LDB3: variants seen among roughly 807,000 people sequenced by gnomAD.
LDB3 encodes LIM domain binding 3, also known as LIM domain-binding protein 3.
LDB3 carries 49 observed loss-of-function variants against 69.0 expected under a neutral mutation model. That is an observed-to-expected ratio of 0.71 (90% CI 0.56 to 0.90). LDB3 has a LOEUF of 0.90. LDB3 is among the 40% of genes least tolerant of loss of function. The probability of loss-of-function intolerance (pLI) is 0.00; values close to 1 mark genes in which losing one functional copy is unlikely to be tolerated. For synonymous variants in LDB3, 387 were observed against 396.2 expected (o/e 0.98, Z 0.28); for missense variants, 928 against 974.1 (o/e 0.95, Z 0.63).
chr10:86,671,373 T>A (rs1373031642), intron 2 of LDB3, among the ~76,000 whole-genome samples: 1 of 152,138 alleles, frequency 6.6e-6, no homozygotes, highest in Admixed American at 6.5e-5. Context: ...ACCTGCAGGC[T>A]GGGTGGTGGC....
At chr10:86,721,058 C>A (rs1430909145) in intron 12 of LDB3, among the ~76,000 whole-genome samples, 1 of 152,216 alleles carries the variant, frequency 6.6e-6, no homozygotes, top group Admixed American at 6.5e-5. Context: ...AATCCTCCTG[C>A]CTTGGCCTCC....
chr10:86,679,503 G>C lies in LDB3; in HGVS notation c.230G>C (p.Ser77Thr). The C allele has an allele frequency of 1.2e-6, 2 of 1,613,978 alleles. No homozygotes were observed. The highest frequency in any genetic ancestry group is 1.7e-6 in the Non-Finnish European group (2 of 1,180,034). The change falls in exon 3 of 14, where the codon AGC becomes ACC. Residue 77 changes from serine to threonine, a missense_variant. Coordinates refer to ENST00000361373, the MANE Select transcript of LDB3 (RefSeq NM_007078.3). ...NKIKSASYNL[S>T]LTLQKSKRPI... The stretch of plus-strand genomic sequence containing the variant: ...ATCAAGTCTGCCAGCTACAACTTGA[G>C]CCTCACCCTGCAGAAGTAGGTGGGA...
rs975012427 is a variant in LDB3, at chr10:86,699,812, C to T, written c.897-6719C>T. The T allele has an allele frequency of 2.2e-5, 23 of 1,031,544 alleles. No homozygotes were observed. Among genetic ancestry groups the T allele is most frequent in the African/African-American group, 3.4e-5 (2 of 59,324 alleles). The allele number at this position is 1,031,544 out of a possible 1,614,324, so 63.9% of individuals were successfully genotyped here. On this transcript the variant is annotated intron_variant, in intron 7 of 13. Coordinates refer to ENST00000361373, the MANE Select transcript of LDB3 (RefSeq NM_007078.3). The surrounding 1 kb of genome is among the most constrained non-coding windows in gnomAD (Gnocchi z 4.9). ...CGTAGATCAGGGTCTGGGGAAGAGG[C>T]TGATCCCTGGCGCTGCCCGGCTCCC...
intron 2 of LDB3, among the ~76,000 whole-genome samples, chr10:86,671,616 G>GCCCAGAGGGGGAGCAA (rs1271715797): frequency 2.6e-5 from 4 of 152,208 alleles, no homozygotes; most frequent in African/African-American, 9.6e-5. Context: ...AGGGGGAGCA[G>GCCCAGAGGGGGAGCAA]CCCAGAGAGG....
At position 86,684,153 on chromosome 10, in the gene LDB3, C is replaced by A. The variant is rs569921619; in HGVS notation, c.689+2350C>A. On this transcript the variant is annotated intron_variant, in intron 5 of 13. Transcript: ENST00000361373. Reference sequence around the variant, plus strand: ...GGGCAGACGGGCATAGGCATCCCAGCAGCCCCCTTCTTCTCCTCCCTTCTG... The same window carrying A: ...GGGCAGACGGGCATAGGCATCCCAGAAGCCCCCTTCTTCTCCTCCCTTCTG... Among the ~76,000 whole-genome samples the A allele has an allele frequency of 5.3e-5, 8 of 152,376 alleles. No homozygotes were observed. In the South Asian group the frequency reaches 1.7e-3, roughly 32 times the overall value.
intron 5 of LDB3, chr10:86,685,622 C>A: frequency 1.3e-6 from 2 of 1,593,902 alleles, no homozygotes; most frequent in South Asian, 2.2e-5. Context: ...GCTCAAACTG[C>A]CCCTGGTGGA....
intron 12 of LDB3, among the ~76,000 whole-genome samples, chr10:86,720,196 G>A (rs1034556409): frequency 2.0e-5 from 3 of 152,176 alleles, no homozygotes; most frequent in Non-Finnish European, 4.4e-5. Flanking sequence ...TGTAATCCCA[G>A]CACTTTGAGA....
chr10:86,714,044 C>T (rs1353815149), intron 9 of LDB3, among the ~76,000 whole-genome samples: 2 of 152,222 alleles, frequency 1.3e-5, no homozygotes, highest in African/African-American at 4.8e-5. Context: ...CCCATCCTTG[C>T]CATCCTCACT....
chr10:86,685,460 A>G (rs1162298731), intron 5 of LDB3, among the ~76,000 whole-genome samples: 3 of 152,158 alleles, frequency 2.0e-5, no homozygotes, highest in Admixed American at 6.5e-5. Context: ...CAAGAGGGAA[A>G]CATTGCTGTG....
chr10:86,718,044 A>G lies in LDB3; in HGVS notation c.1757A>G (p.Asp586Gly). 1 of 1,614,166 alleles carries G rather than the reference A, an allele frequency of 6.2e-7. No homozygotes were observed. The highest frequency in any genetic ancestry group is 2.2e-5 in the East Asian group (1 of 44,884). Residue 586 changes from aspartate to glycine, a missense_variant, in exon 11 of 14, where the codon GAT becomes GGT. Coordinates refer to ENST00000361373, the MANE Select transcript of LDB3 (RefSeq NM_007078.3). Reference protein sequence around the residue: ...TCAYCKTSLADVCFVEEQNNV... With the variant: ...TCAYCKTSLAGVCFVEEQNNV... Reference sequence around the variant, plus strand: ...GCCTACTGCAAGACTTCCCTGGCAGATGTGTGCTTTGTGGAAGAGCAGAAC... The same window carrying G: ...GCCTACTGCAAGACTTCCCTGGCAGGTGTGTGCTTTGTGGAAGAGCAGAAC...
In LDB3 at chr10:86,681,680, C is replaced by T. The variant is rs45487699; in HGVS notation, c.566C>T (p.Ser189Leu). The change falls in exon 5 of 14, where the codon TCG becomes TTG. Residue 189 changes from serine to leucine, a missense_variant. Physicochemically the swap from Ser to Leu is moderately radical, Grantham distance 145 (BLOSUM62 -2). Transcript: ENST00000361373. ...CTCGGCCCAAAAGCCCTGCCGGGCT[C>T]GAGCCAGCCGAGGCAATATAACAAC... is the stretch of plus-strand genomic sequence containing the variant. The part of the protein sequence containing the change: ...DLLGPKALPG[S>L]SQPRQYNNPI... 942 of 1,613,396 alleles carry T rather than the reference C, an allele frequency of 5.8e-4. 2 individuals are homozygous for T. Among genetic ancestry groups the T allele is most frequent in the South Asian group, 7.5e-4 (68 of 91,058 alleles).
intron 5 of LDB3, among the ~76,000 whole-genome samples, chr10:86,686,123 C>T (rs992056121): frequency 6.6e-5 from 10 of 152,116 alleles, no homozygotes; most frequent in Non-Finnish European, 1.3e-4. Flanking sequence ...GAGGGAAGAG[C>T]CTCCTGTGGG....
chr10:86,674,807 G>T (rs939192633), intron 2 of LDB3, among the ~76,000 whole-genome samples: 1 of 152,142 alleles, frequency 6.6e-6, no homozygotes, highest in Non-Finnish European at 1.5e-5. Flanking sequence ...TGGAAGCATC[G>T]TGCCTGGACT....
Position 86,699,288 on chromosome 10 carries a change from G to A in LDB3, c.896+6717G>A, listed in dbSNP as rs774307690. On this transcript the variant is annotated intron_variant, in intron 7 of 13. Transcript: ENST00000361373. The surrounding 1 kb of genome is among the most constrained non-coding windows in gnomAD (Gnocchi z 4.9). ...CTCTCTGTGCCACAGGGAAAGGTTT[G>A]AAACGGAACGTAACAGCCCACGTTT... 2.5e-6 allele frequency: 4 copies of A among 1,612,962 alleles called. No individual in the cohort carries two copies. Among genetic ancestry groups the A allele is most frequent in the Non-Finnish European group, 3.4e-6 (4 of 1,179,734 alleles).
At position 86,709,903 on chromosome 10, in the gene LDB3, A is replaced by C. The variant is rs1173841368; in HGVS notation, c.1086-2A>C. ...GTGTAACCCCTCCCCGCTTGGTTCC[A>C]GGCCCCAGGCCTCTTCCTACAGCCC... On this transcript the variant is annotated splice_acceptor_variant, in intron 8 of 13. Coordinates refer to ENST00000361373, the MANE Select transcript of LDB3 (RefSeq NM_007078.3). LOFTEE classifies it high-confidence loss of function. 6.2e-7 allele frequency: 1 copy of C among 1,609,454 alleles called. No homozygotes were observed. Among genetic ancestry groups the C allele is most frequent in the Non-Finnish European group, 8.5e-7 (1 of 1,179,936 alleles).
intron 7 of LDB3, among the ~76,000 whole-genome samples, chr10:86,698,661 G>A (rs568997388): frequency 6.6e-6 from 1 of 152,316 alleles, no homozygotes; most frequent in African/African-American, 2.4e-5. Context: ...GTGTGGGTAT[G>A]CACGCATGTG....
chr10:86,715,722 C>G (rs376280522), intron 9 of LDB3, among the ~76,000 whole-genome samples: 1 of 152,104 alleles, frequency 6.6e-6, no homozygotes, highest in East Asian at 1.9e-4. Flanking sequence ...CCTTCAAGAT[C>G]CCCCACCCTA....
chr10:86,681,411 C>G (rs778209124), intron 4 of LDB3, 25 bp from the exon 5 acceptor site: 70 of 1,599,096 alleles, frequency 4.4e-5, no homozygotes, highest in Non-Finnish European at 5.8e-5. Context: ...CTTCTCTCTC[C>G]CCTGCATGGC....
chr10:86,683,761 C>G (rs1845290175), intron 5 of LDB3, among the ~76,000 whole-genome samples: 1 of 152,208 alleles, frequency 6.6e-6, no homozygotes, highest in South Asian at 2.1e-4. Flanking sequence ...CTCTGCTGGG[C>G]TGAGGCCACC....
Sources: allele counts gnomAD v4.1 joint callset (sites outside exome capture counted in the v4.1 genomes callset), GRCh38; gene constraint gnomAD v4.1.1; non-coding constraint Gnocchi (gnomAD v3.1); transcripts MANE v1.5; gene names NCBI Gene and HGNC (gene_info 2026-07-23, HGNC 2026-07-21).